The following GFM2 variants were observed in gnomAD, a reference collection of about 807,000 sequenced individuals.
GFM2 encodes the protein GTP dependent ribosome recycling factor mitochondrial 2.
Under a neutral mutation model 95.4 loss-of-function variants are expected in GFM2, and 72 were observed. The ratio of observed to expected loss-of-function variants is 0.76; its 90% CI spans 0.62 to 0.92. The LOEUF is 0.92. GFM2 is among the 40% of genes least tolerant of loss of function. The probability of loss-of-function intolerance (pLI) is 0.00; values close to 1 mark genes in which losing one functional copy is unlikely to be tolerated. For synonymous variants in GFM2, 276 were observed against 317.5 expected (o/e 0.87, Z 1.39); for missense variants, 825 against 924.1 (o/e 0.89, Z 1.39).
chr5:74,743,463 T>C (rs1743213507), intron 10 of GFM2, among the ~76,000 whole-genome samples: 1 of 152,202 alleles, frequency 6.6e-6, no homozygotes, highest in Admixed American at 6.5e-5. Flanking sequence ...AGTAGTCTTA[T>C]TCTGTAAATT....
intron 10 of GFM2, among the ~76,000 whole-genome samples, chr5:74,744,081 AT>A (rs1405629949): frequency 2.6e-5 from 4 of 152,194 alleles, no homozygotes; most frequent in Non-Finnish European, 2.9e-5. Flanking sequence ...GTGTTAGGTG[AT>A]TTCGTCATTC....
rs1749854929 is a variant in GFM2 at position 74,721,234 on chromosome 5, CATGTAAA to C, written c.*414_*420del. The C allele has an allele frequency of 6.2e-6, 8 of 1,296,786 alleles. No homozygotes were observed. The East Asian group carries it at 1.6e-4, about 26-fold the overall frequency. The allele number at this position is 1,296,786 out of a possible 1,614,324, so 80.3% of individuals were successfully genotyped here. A position where few individuals can be genotyped will look rare whatever the true frequency, so the allele number is the denominator to read the frequency against. On this transcript the variant is annotated 3_prime_UTR_variant, in exon 21 of 21. Transcript: ENST00000296805. ...ACTACAATCAACTTTATTTTGAAAT[CATGTAAA>C]ATAAGATATTAGACTGTTTTTTGAA...
chr5:74,754,766 C>A (rs1461709898), intron 5 of GFM2, among the ~76,000 whole-genome samples: 4 of 152,190 alleles, frequency 2.6e-5, no homozygotes. Flanking sequence ...TAGTGGGGGA[C>A]TTTAATACTC....
At chr5:74,736,136 A>C (rs1482228407) in intron 15 of GFM2, among the ~76,000 whole-genome samples, 1 of 152,232 alleles carries the variant, frequency 6.6e-6, no homozygotes, top group Non-Finnish European at 1.5e-5. Flanking sequence ...CCTGACTACC[A>C]ATTCAAGGCT....
At position 74,721,237 on chromosome 5, in the gene GFM2, G is replaced by T. The variant is rs540446021; in HGVS notation, c.*418C>A. On this transcript the variant is annotated 3_prime_UTR_variant, in exon 21 of 21. Transcript: ENST00000296805. ...ACAATCAACTTTATTTTGAAATCAT[G>T]TAAAATAAGATATTAGACTGTTTTT... 3.3e-5 allele frequency: 42 copies of T among 1,278,258 alleles called. No individual in the cohort carries two copies. The African/African-American group carries it at 5.3e-4, about 16-fold the overall frequency. 79.2% of individuals were successfully genotyped at this position (1,278,258 alleles called of 1,614,324 possible).
intron 11 of GFM2, 70 bp from the exon 12 acceptor site, chr5:74,740,207 GT>G: frequency 7.4e-7 from 1 of 1,354,728 alleles, no homozygotes; most frequent in Non-Finnish European, 1.0e-6. Flanking sequence ...AAAATTAGAG[GT>G]TTTCTCTAAC....
chr5:74,740,401 G>A lies in GFM2; in HGVS notation c.931-264C>T, dbSNP rs188319034. Among the ~76,000 whole-genome samples, 626 of 152,252 alleles carry A rather than the reference G, an allele frequency of 4.1e-3. 1 individual carries two copies. The highest frequency in any genetic ancestry group is 7.1e-3 in the Non-Finnish European group (482 of 68,004). ...TAAATCCCCAGCAACAAGAAAAGTG[G>A]TTAAAACAGGTGCTTAAAAATATTT... On this transcript the variant is annotated intron_variant, in intron 11 of 20. Coordinates refer to ENST00000296805, the MANE Select transcript of GFM2 (RefSeq NM_032380.5).
intron 6 of GFM2, 98 bp downstream of exon 6, chr5:74,751,270 T>C: frequency 8.0e-7 from 1 of 1,245,660 alleles, no homozygotes; most frequent in Non-Finnish European, 1.1e-6. Flanking sequence ...TTGCAACACA[T>C]GTTTTTTTAC....
intron 14 of GFM2, 48 bp from the exon 15 acceptor site, chr5:74,737,033 G>C (rs781202718): frequency 6.3e-7 from 1 of 1,595,892 alleles, no homozygotes. Flanking sequence ...TTTAGCAAGC[G>C]CTCATCTTAC....
At chr5:74,761,042 A>C in intron 2 of GFM2, 56 bp from the exon 3 acceptor site, 1 of 959,646 alleles carries the variant, frequency 1.0e-6, no homozygotes, top group Non-Finnish European at 1.7e-6. Flanking sequence ...CACTTATTAC[A>C]GTGTTAATAT....
At chr5:74,729,753 G>C (rs926899667) in intron 17 of GFM2, among the ~76,000 whole-genome samples, 2 of 145,136 alleles carry the variant, frequency 1.4e-5, no homozygotes, top group Non-Finnish European at 3.0e-5. Flanking sequence ...AGCAATAATT[G>C]TTGTCATGTT....
Position 74,728,350 on chromosome 5 carries a change from TAAGAG to T in GFM2, c.1726+1905_1726+1909del, listed in dbSNP as rs1750243481. ...GAAAAAAAAGTTACCAAGAAAATCG[TAAGAG>T]AAAATATATTTACTATTTATTAAGT... On this transcript the variant is annotated intron_variant, in intron 17 of 20. Coordinates refer to ENST00000296805, the MANE Select transcript of GFM2 (RefSeq NM_032380.5). Among the ~76,000 whole-genome samples the T allele has an allele frequency of 3.8e-5, 5 of 131,006 alleles. No individual in the cohort carries two copies. The South Asian group carries it at 1.3e-3, about 35-fold the overall frequency. The allele number at this position is 131,006 out of a possible 152,430, so 85.9% of individuals were successfully genotyped here. A position where few individuals can be genotyped will look rare whatever the true frequency, so the allele number is the denominator to read the frequency against.
At chr5:74,748,876 AAAATAAAATAAAAT>A (rs1286286996) in intron 7 of GFM2, among the ~76,000 whole-genome samples, 10 of 129,034 alleles carry the variant, frequency 7.7e-5, no homozygotes, top group Non-Finnish European at 1.3e-4. Context: ...AAAATAAAAT[AAAATAAAATAAAAT>A]AAATAAAATA....
intron 14 of GFM2, among the ~76,000 whole-genome samples, chr5:74,737,647 C>A (rs1211257118): frequency 1.3e-5 from 2 of 152,072 alleles, no homozygotes; most frequent in Non-Finnish European, 2.9e-5. Flanking sequence ...GAATTTTCTA[C>A]TGAAGGATCT....
At chr5:74,763,354 T>C (rs1213529101) in intron 2 of GFM2, among the ~76,000 whole-genome samples, 2 of 152,232 alleles carry the variant, frequency 1.3e-5, no homozygotes, top group Non-Finnish European at 2.9e-5. Context: ...AGCACATTAT[T>C]TGTTAGTAGT....
chr5:74,745,954 GTCTATTA>G (rs1390956627), intron 9 of GFM2, 97 bp from the exon 10 acceptor site: 1 of 1,176,994 alleles, frequency 8.5e-7, no homozygotes, highest in Admixed American at 2.3e-5. Context: ...TCCCCAAAAT[GTCTATTA>G]TCACCATTAC....
At chr5:74,733,165 G>T in intron 15 of GFM2, 67 bp from the exon 16 acceptor site, 1 of 1,176,764 alleles carries the variant, frequency 8.5e-7, no homozygotes, top group East Asian at 2.6e-5. Flanking sequence ...GTTCTAGTGG[G>T]TAAAACAGAT....
At chr5:74,735,244 A>C (rs755573075) in intron 15 of GFM2, among the ~76,000 whole-genome samples, 2 of 152,208 alleles carry the variant, frequency 1.3e-5, no homozygotes, top group African/African-American at 2.4e-5. Context: ...CTTAAATGCT[A>C]TTCCTTCAGC....
intron 15 of GFM2, 60 bp from the exon 16 acceptor site, chr5:74,733,158 C>G: frequency 7.9e-7 from 1 of 1,259,954 alleles, no homozygotes; most frequent in East Asian, 2.5e-5. Context: ...ATTATATGTT[C>G]TAGTGGGTAA....
Sources: gnomAD v4.1 joint callset for allele counts (sites outside exome capture counted in the v4.1 genomes callset) on GRCh38, gnomAD v4.1.1 for gene constraint, MANE v1.5 for transcripts, NCBI Gene and HGNC (gene_info 2026-07-23, HGNC 2026-07-21) for gene names.